Variants in IL16 observed in about 807,000 individuals in gnomAD.
The protein encoded by IL16 is pro-interleukin-16.
A neutral mutation model predicts 110.1 loss-of-function variants in IL16; 67 were observed. That is an observed-to-expected ratio of 0.61 (90% CI 0.50 to 0.75). The LOEUF is 0.75. Among genes scored for constraint, IL16 ranks in the 30% least tolerant of loss-of-function variants. The pLI, the probability that IL16 is intolerant of heterozygous loss-of-function variation, is 0.00. For synonymous variants in IL16, 689 were observed against 662.9 expected (o/e 1.04, Z -0.61); for missense variants, 1,545 against 1,655.0 (o/e 0.93, Z 1.15).
chr15:81,219,694 G>T (rs541630914), intron 1 of IL16, among the ~76,000 whole-genome samples: 1 of 152,280 alleles, frequency 6.6e-6, no homozygotes, highest in South Asian at 2.1e-4. Flanking sequence ...CTTGTCTTCT[G>T]CTCTGAGGTC....
rs547877404 is a variant in IL16, at chr15:81,281,439, C to CACCT, written c.1082-1197_1082-1194dup. Among the ~76,000 whole-genome samples, 4 of 152,328 alleles carry CACCT rather than the reference C, an allele frequency of 2.6e-5. No homozygotes were observed. In the South Asian group the frequency reaches 8.3e-4, roughly 32 times the overall value. On this transcript the variant is annotated intron_variant, in intron 8 of 18. Transcript: ENST00000683961. ...CCATCCAGCCCCACGGCCCTAACAC[C>CACCT]ACCTACATGCAGCTACGTTCAAACT...
chr15:81,240,177 G>A (rs555579493), intron 2 of IL16, among the ~76,000 whole-genome samples: 23 of 151,972 alleles, frequency 1.5e-4, no homozygotes, highest in Non-Finnish European at 2.8e-4. Flanking sequence ...TCATTTTGTT[G>A]TAGTTCATTG....
intron 11 of IL16, among the ~76,000 whole-genome samples, chr15:81,291,709 G>T (rs1192023656): frequency 6.6e-6 from 1 of 152,162 alleles, no homozygotes; most frequent in Non-Finnish European, 1.5e-5. Context: ...AGGGTAGGGG[G>T]TACTGAGAAC....
At chr15:81,221,272 G>C (rs1180766087) in intron 1 of IL16, among the ~76,000 whole-genome samples, 1 of 152,082 alleles carries the variant, frequency 6.6e-6, no homozygotes, top group African/African-American at 2.4e-5. Flanking sequence ...AACCTTCATT[G>C]TGCTTCCCCC....
chr15:81,265,117 C>G (rs1266255526), intron 3 of IL16, among the ~76,000 whole-genome samples: 1 of 152,028 alleles, frequency 6.6e-6, no homozygotes, highest in South Asian at 2.1e-4. Flanking sequence ...GTAGAGGAAG[C>G]CTGTCGCTTT....
intron 10 of IL16, among the ~76,000 whole-genome samples, chr15:81,288,744 C>A (rs560108757): frequency 6.6e-6 from 1 of 152,076 alleles, no homozygotes; most frequent in Non-Finnish European, 1.5e-5. Context: ...TTTGACTTCG[C>A]GTAATGTCCT....
In IL16 at chr15:81,311,711, A is replaced by C. The variant is rs988147234; in HGVS notation, c.*2913A>C. 12 of 152,230 alleles carry C rather than the reference A, an allele frequency of 7.9e-5. No individual in the cohort carries two copies. Among genetic ancestry groups the C allele is most frequent in the African/African-American group, 2.9e-4 (12 of 41,444 alleles). 9.4% of individuals were successfully genotyped at this position (152,230 alleles called of 1,614,324 possible). On this transcript the variant is annotated 3_prime_UTR_variant, in exon 19 of 19. Transcript: ENST00000683961. ...CCTAGAATTGGCTGAACTCATGAGA[A>C]GTTGATATAGAACAGTGCTTGCCAC... is the stretch of plus-strand genomic sequence containing the variant.
chr15:81,248,803 C>G (rs1897663064), intron 2 of IL16, among the ~76,000 whole-genome samples: 1 of 146,390 alleles, frequency 6.8e-6, no homozygotes, highest in African/African-American at 2.5e-5. Flanking sequence ...TCACGGCAAA[C>G]TCCACCCCCT....
rs116263842 is a variant in IL16 at position 81,211,970 on chromosome 15, T to C, written c.-101-13329T>C. 9.7e-3 allele frequency among the ~76,000 whole-genome samples: 1,485 copies of C among 152,336 alleles called. 25 individuals carry two copies. The highest frequency in any genetic ancestry group is 0.034 in the African/African-American group (1,433 of 41,562). On this transcript the variant is annotated intron_variant, in intron 1 of 18. Coordinates refer to ENST00000683961, the MANE Select transcript of IL16 (RefSeq NM_172217.5). ...TTGGAGTGGGGTTTTCTTACTTCAT[T>C]GTGTCTCTGCCACATTTTGGTATTA...
upstream of IL16, among the ~76,000 whole-genome samples, chr15:81,194,746 G>A (rs1280752844): frequency 1.3e-5 from 2 of 152,180 alleles, no homozygotes; most frequent in African/African-American, 4.8e-5. Flanking sequence ...GCTGTTGGCA[G>A]CATGCTTCCT....
chr15:81,305,802 G>T, intron 16 of IL16, 106 bp from the exon 17 acceptor site: 1 of 1,357,524 alleles, frequency 7.4e-7, no homozygotes, highest in Non-Finnish European at 1.0e-6. Flanking sequence ...AATCTTTGTT[G>T]GCCTAAAAAT....
In IL16 at chr15:81,279,608, G is replaced by A. The variant is rs377290170; in HGVS notation, c.915G>A (p.Ala305=). ...TCACCGTGAGAACCCGCCTGACGGC[G>A]CCTCCTTCCCTGTGCAGCCACCTGT... ...LTLTVRTRLT[A]PPSLCSHLSP... The change falls in exon 8 of 19, where the codon GCG becomes GCA. Residue 305 remains alanine, a synonymous_variant. Transcript: ENST00000683961. The A allele has an allele frequency of 1.7e-5, 28 of 1,613,834 alleles. No homozygotes were observed. In the Middle Eastern group the frequency reaches 9.9e-4, roughly 57 times the overall value.
intron 1 of IL16, among the ~76,000 whole-genome samples, chr15:81,184,111 T>C (rs1895384669): frequency 6.6e-6 from 1 of 152,168 alleles, no homozygotes; most frequent in South Asian, 2.1e-4. Flanking sequence ...TCAGGCGGCC[T>C]CCCTTTGGAG....
At chr15:81,270,541 A>G (rs1898585815) in intron 5 of IL16, among the ~76,000 whole-genome samples, 1 of 152,186 alleles carries the variant, frequency 6.6e-6, no homozygotes, top group Non-Finnish European at 1.5e-5. Context: ...GACATGAGAG[A>G]TGCTGGGACG....
intron 6 of IL16, among the ~76,000 whole-genome samples, chr15:81,275,551 G>T (rs1343262006): frequency 6.6e-6 from 1 of 151,978 alleles, no homozygotes; most frequent in African/African-American, 2.4e-5. Context: ...TAAACAAAGG[G>T]GTGGGGGAAG....
At chr15:81,202,555 A>G (rs895210767) in intron 1 of IL16, among the ~76,000 whole-genome samples, 11 of 143,690 alleles carry the variant, frequency 7.7e-5, no homozygotes, top group Non-Finnish European at 6.0e-5. Context: ...AATTCCACCT[A>G]TGAGTGAGAA....
At chr15:81,270,913 C>A (rs1484973897) in intron 5 of IL16, among the ~76,000 whole-genome samples, 1 of 152,074 alleles carries the variant, frequency 6.6e-6, no homozygotes, top group Admixed American at 6.5e-5. Context: ...CACTATCTGG[C>A]GATAAAACCT....
At chr15:81,291,393 C>G (rs1899711154) in intron 11 of IL16, among the ~76,000 whole-genome samples, 2 of 152,094 alleles carry the variant, frequency 1.3e-5, no homozygotes, top group African/African-American at 4.8e-5. Context: ...TACTTTCATT[C>G]CTTCCTCCTT....
Position 81,300,037 on chromosome 15 carries a change from T to A in IL16, c.2711T>A (p.Leu904Gln), listed in dbSNP as rs1296954985. The A allele has an allele frequency of 1.9e-6, 3 of 1,570,956 alleles. No homozygotes were observed. The Admixed American group carries it at 5.5e-5, about 29-fold the overall frequency. Residue 904 changes from leucine to glutamine, a missense_variant, in exon 14 of 19, where the codon CTG becomes CAG. Physicochemically the swap from Leu to Gln is moderately radical, Grantham distance 113. Around this residue, in one of 3 missense-constraint regions of IL16, gnomAD observed 1,185 missense variants for 1,238.8 expected, o/e 0.96. Coordinates refer to ENST00000683961, the MANE Select transcript of IL16 (RefSeq NM_172217.5). The stretch of plus-strand genomic sequence containing the variant: ...GTGCCCCAGCAGCCTGAGCAAGTAC[T>A]GTCCTCGGGGTCCCCTGCAGCCTCC... ...TLVPQQPEQV[L>Q]SSGSPAASEA... is the part of the protein sequence containing the mutation.
Sources: allele counts gnomAD v4.1 joint callset (sites outside exome capture counted in the v4.1 genomes callset), GRCh38; gene constraint gnomAD v4.1.1; regional missense constraint gnomAD v4.1.1; transcripts MANE v1.5; gene names NCBI Gene and HGNC (gene_info 2026-07-23, HGNC 2026-07-21).